The following SYNPO2 variants were observed in gnomAD, a reference collection of about 807,000 sequenced individuals.
The protein encoded by SYNPO2 is synaptopodin 2.
SYNPO2 carries 56 observed loss-of-function variants against 85.0 expected under a neutral mutation model. That is an observed-to-expected ratio of 0.66 (90% CI 0.53 to 0.82). The LOEUF (loss-of-function observed/expected upper bound fraction) is 0.82, where lower values mean the gene tolerates loss of function less well. Among genes scored for constraint, SYNPO2 ranks in the 40% least tolerant of loss-of-function variants. The pLI is 0.00. For missense variants in SYNPO2, 1,575 were observed against 1,534.2 expected, an observed-to-expected ratio of 1.03 and a Z score of -0.44; for synonymous variants, 602 against 591.1, an observed-to-expected ratio of 1.02 and a Z score of -0.27.
At chr4:119,033,013 C>T (rs888058741) in intron 4 of SYNPO2, 8 of 980,194 alleles carry the variant, frequency 8.2e-6, no homozygotes, top group Non-Finnish European at 9.7e-6. Flanking sequence ...TTTTCCTCAG[C>T]TGAGGCAAGT....
At chr4:119,051,793 A>G (rs1236643918) in intron 4 of SYNPO2, among the ~76,000 whole-genome samples, 1 of 152,212 alleles carries the variant, frequency 6.6e-6, no homozygotes, top group Non-Finnish European at 1.5e-5. Flanking sequence ...CAGATACAAC[A>G]GATGCTGCCC....
intron 1 of SYNPO2, among the ~76,000 whole-genome samples, chr4:118,916,023 T>C (rs1438182065): frequency 6.6e-6 from 1 of 152,158 alleles, no homozygotes; most frequent in African/African-American, 2.4e-5. Context: ...TGTTATTGAT[T>C]AGTACAAGTA....
chr4:118,973,519 C>G (rs1207832424), intron 1 of SYNPO2, among the ~76,000 whole-genome samples: 2 of 151,932 alleles, frequency 1.3e-5, no homozygotes, highest in Non-Finnish European at 2.9e-5. Flanking sequence ...TGGCTAACCA[C>G]CATAAAAATT....
chr4:118,943,957 G>A (rs977167162), intron 1 of SYNPO2, among the ~76,000 whole-genome samples: 1 of 152,156 alleles, frequency 6.6e-6, no homozygotes, highest in African/African-American at 2.4e-5. Context: ...TACCTACGTG[G>A]AAGTAACGCC....
rs140364720 is a variant in SYNPO2, at chr4:118,879,724, G to A, written c.12+28784G>A. Among the ~76,000 whole-genome samples, 29 of 152,244 alleles carry A rather than the reference G, an allele frequency of 1.9e-4. No homozygotes were observed. In the East Asian group the frequency reaches 5.4e-3, roughly 28 times the overall value. On this transcript the variant is annotated intron_variant, in intron 1 of 4. Transcript: ENST00000610556. ...GGTCTTGGGGTTCAACAGAGCAGCT[G>A]GTCATCAATCATTTGCCTTCACTGG...
At chr4:118,957,595 C>T (rs1734925244) in intron 1 of SYNPO2, among the ~76,000 whole-genome samples, 1 of 152,104 alleles carries the variant, frequency 6.6e-6, no homozygotes, top group Non-Finnish European at 1.5e-5. Flanking sequence ...GGTAGCTACT[C>T]TAATTATTGT....
chr4:118,960,269 G>A (rs893228298), intron 1 of SYNPO2, among the ~76,000 whole-genome samples: 2 of 152,058 alleles, frequency 1.3e-5, no homozygotes, highest in Non-Finnish European at 2.9e-5. Flanking sequence ...CCATCCTGGT[G>A]GAAAATAAAC....
At chr4:118,880,555 CT>C (rs1222558649) in intron 1 of SYNPO2, among the ~76,000 whole-genome samples, 1 of 151,974 alleles carries the variant, frequency 6.6e-6, no homozygotes, top group Non-Finnish European at 1.5e-5. Context: ...CAAGACCAGC[CT>C]GGCCAAGATG....
intron 1 of SYNPO2, among the ~76,000 whole-genome samples, chr4:118,882,774 G>GTTT (rs112261966): frequency 6.8e-6 from 1 of 147,808 alleles, no homozygotes; most frequent in Non-Finnish European, 1.5e-5. Flanking sequence ...ATGCCTGCTA[G>GTTT]TTTTTTTTTT....
At chr4:119,011,241 A>T (rs1737288971) in intron 1 of SYNPO2, among the ~76,000 whole-genome samples, 1 of 152,224 alleles carries the variant, frequency 6.6e-6, no homozygotes, top group Non-Finnish European at 1.5e-5. Context: ...AGTGCACAGG[A>T]GGTGCAGCAG....
intron 1 of SYNPO2, among the ~76,000 whole-genome samples, chr4:118,938,077 T>C (rs7696019): frequency 0.75 from 114,369 of 152,054 alleles, 44,698 homozygotes; most frequent in South Asian, 0.89. Flanking sequence ...CCGAGGCAGG[T>C]AGATCACCTG....
At chr4:118,953,510 G>A (rs933156266) in intron 1 of SYNPO2, among the ~76,000 whole-genome samples, 2 of 152,080 alleles carry the variant, frequency 1.3e-5, no homozygotes, top group African/African-American at 4.8e-5. Flanking sequence ...TAATGGTATA[G>A]GGTTCTCAGA....
At chr4:119,047,876 A>T (rs1481410453) in intron 4 of SYNPO2, among the ~76,000 whole-genome samples, 1 of 152,238 alleles carries the variant, frequency 6.6e-6, no homozygotes, top group Non-Finnish European at 1.5e-5. Context: ...ACGTACTTGC[A>T]GTCTCATGAT....
At chr4:118,887,976 T>G (rs11729515), upstream of SYNPO2, among the ~76,000 whole-genome samples, 16,759 of 152,254 alleles carry the variant, frequency 0.11, 1,081 homozygotes, top group East Asian at 0.18. Context: ...TTTTGTACAT[T>G]TTTGGCAGAT....
intron 4 of SYNPO2, among the ~76,000 whole-genome samples, chr4:119,054,307 G>C (rs1438768940): frequency 6.6e-6 from 1 of 152,198 alleles, no homozygotes; most frequent in East Asian, 1.9e-4. Context: ...TTGGCCTCTT[G>C]CCTCATTGTG....
intron 1 of SYNPO2, among the ~76,000 whole-genome samples, chr4:118,879,305 T>G (rs989106589): frequency 1.3e-5 from 2 of 152,202 alleles, no homozygotes; most frequent in Non-Finnish European, 2.9e-5. Context: ...CAGAGAGGGT[T>G]AGAGCTTCCT....
At chr4:119,044,592 G>A (rs991899343) in intron 4 of SYNPO2, among the ~76,000 whole-genome samples, 4 of 152,024 alleles carry the variant, frequency 2.6e-5, no homozygotes, top group African/African-American at 7.2e-5. Context: ...GTGCAGTGGC[G>A]TGATCTCAGC....
At chr4:119,032,581 A>G (rs1025112051) in intron 4 of SYNPO2, 2 of 995,686 alleles carry the variant, frequency 2.0e-6, no homozygotes, top group African/African-American at 3.5e-5. Context: ...GATATCACAG[A>G]GAAGATACTC....
At chr4:119,032,419 G>A in intron 4 of SYNPO2, 2 of 1,123,008 alleles carry the variant, frequency 1.8e-6, no homozygotes, top group Non-Finnish European at 2.2e-6. Context: ...GTCCTCCTAT[G>A]GTGAAAGGTT....
Sources: allele counts gnomAD v4.1 joint callset (sites outside exome capture counted in the v4.1 genomes callset), GRCh38; gene constraint gnomAD v4.1.1; transcripts MANE v1.5; gene names NCBI Gene and HGNC (gene_info 2026-07-23, HGNC 2026-07-21).